Variants in GORASP2 observed in about 807,000 individuals in gnomAD.
GORASP2 encodes golgi reassembly stacking protein 2, also known as Golgi reassembly-stacking protein 2.
In GORASP2, 22 loss-of-function variants were observed where a neutral mutation model predicts 45.7. The observed-to-expected ratio is 0.48, with a 90% CI of 0.34 to 0.69. The LOEUF is 0.69. Among genes scored for constraint, GORASP2 ranks in the 30% least tolerant of loss-of-function variants. GORASP2 has a pLI of 0.01. For missense variants in GORASP2, 491 were observed against 562.7 expected, an observed-to-expected ratio of 0.87 and a Z score of 1.29; for synonymous variants, 221 against 215.6, an observed-to-expected ratio of 1.02 and a Z score of -0.22.
chr2:170,938,223 T>C (rs959749852), intron 1 of GORASP2, among the ~76,000 whole-genome samples: 2 of 152,264 alleles, frequency 1.3e-5, no homozygotes, highest in African/African-American at 4.8e-5. Context: ...AGCTGATGCC[T>C]TTATTACTAG....
intron 5 of GORASP2, chr2:170,954,412 C>T: frequency 2.2e-6 from 1 of 454,754 alleles, no homozygotes; most frequent in South Asian, 3.1e-5. Context: ...GTGATATCCA[C>T]AGTGGAGGGC....
intron 5 of GORASP2, among the ~76,000 whole-genome samples, chr2:170,952,145 C>T (rs901008130): frequency 2.6e-5 from 4 of 152,308 alleles, no homozygotes; most frequent in Middle Eastern, 6.8e-3. Flanking sequence ...GAAAAATACC[C>T]CCTCTCTAGT....
At chr2:170,939,163 T>C (rs1332732515) in intron 1 of GORASP2, among the ~76,000 whole-genome samples, 1 of 152,370 alleles carries the variant, frequency 6.6e-6, no homozygotes, top group South Asian at 2.1e-4. Context: ...CTTTCGATGT[T>C]GTTTTTCTAA....
chr2:170,940,769 A>G (rs1252628473), intron 1 of GORASP2, among the ~76,000 whole-genome samples: 1 of 152,136 alleles, frequency 6.6e-6, no homozygotes, highest in African/African-American at 2.4e-5. Context: ...CAACCAGTAC[A>G]TACTACATTT....
intron 4 of GORASP2, among the ~76,000 whole-genome samples, chr2:170,950,629 C>T (rs1239523063): frequency 6.6e-6 from 1 of 152,158 alleles, no homozygotes; most frequent in Non-Finnish European, 1.5e-5. Flanking sequence ...ATTAGCTCAG[C>T]TATATTACAT....
chr2:170,960,364 T>C (rs1425098092), intron 7 of GORASP2, among the ~76,000 whole-genome samples: 4 of 152,190 alleles, frequency 2.6e-5, no homozygotes, highest in African/African-American at 9.7e-5. Flanking sequence ...CGAAAAATTG[T>C]TGTATACAAT....
intron 1 of GORASP2, chr2:170,929,782 T>G (rs1018490416): frequency 4.1e-6 from 2 of 483,544 alleles, no homozygotes; most frequent in African/African-American, 4.0e-5. Context: ...GTCTCCAAAG[T>G]GGTGACTGTG....
At position 170,967,082 on chromosome 2, in the gene GORASP2, G is replaced by C. The variant is rs752697216; in HGVS notation, c.*952G>C. On this transcript the variant is annotated 3_prime_UTR_variant, in exon 10 of 10. Transcript: ENST00000234160. ...AAGAGATGGTAAGTTAACTGGAATT[G>C]ATTTACTGAATGAAATTAAATGCAG... The C allele has an allele frequency of 2.0e-5, 3 of 152,104 alleles. No homozygotes were observed. Among genetic ancestry groups the C allele is most frequent in the Non-Finnish European group, 4.4e-5 (3 of 68,042 alleles). 9.4% of individuals were successfully genotyped at this position (152,104 alleles called of 1,614,324 possible).
chr2:170,966,193 A>C lies in GORASP2; in HGVS notation c.*63A>C, dbSNP rs761056469. 4.4e-4 allele frequency: 494 copies of C among 1,122,366 alleles called. 1 individual carries two copies. Among genetic ancestry groups the C allele is most frequent in the Admixed American group, 3.1e-4 (18 of 58,346 alleles). The allele number at this position is 1,122,366 out of a possible 1,614,324, so 69.5% of individuals were successfully genotyped here. ...ACCACGGGAGCGTGTCTGGAAACGCAAACTATCATTAATTTCATACTAGTT... is the reference window on the plus strand; with the variant it reads ...ACCACGGGAGCGTGTCTGGAAACGCCAACTATCATTAATTTCATACTAGTT... On this transcript the variant is annotated 3_prime_UTR_variant, in exon 10 of 10. Transcript: ENST00000234160.
At chr2:170,964,367 A>G (rs965482415) in intron 9 of GORASP2, among the ~76,000 whole-genome samples, 1 of 152,214 alleles carries the variant, frequency 6.6e-6, no homozygotes, top group Non-Finnish European at 1.5e-5. Flanking sequence ...AAAATGAAGT[A>G]CTAGGCCAGG....
intron 1 of GORASP2, among the ~76,000 whole-genome samples, chr2:170,938,559 A>C: frequency 6.6e-6 from 1 of 152,216 alleles, no homozygotes; most frequent in Non-Finnish European, 1.5e-5. Context: ...CATTAATTAA[A>C]ATGGCTGAAA....
chr2:170,930,953 AAC>A (rs1703807469), intron 1 of GORASP2, among the ~76,000 whole-genome samples: 1 of 145,112 alleles, frequency 6.9e-6, no homozygotes, highest in Non-Finnish European at 1.5e-5. Flanking sequence ...AACTCAGTAA[AAC>A]ACATTAGTGT....
At chr2:170,929,489 C>A in intron 1 of GORASP2, 86 bp downstream of exon 1, 1 of 1,069,538 alleles carries the variant, frequency 9.3e-7, no homozygotes, top group Non-Finnish European at 1.2e-6. Flanking sequence ...GGCTCCTTCA[C>A]GGGGCAGCCA....
Position 170,936,546 on chromosome 2 carries a change from C to A in GORASP2, c.63+7143C>A, listed in dbSNP as rs867662127. 7.2e-6 allele frequency: 6 copies of A among 833,012 alleles called. No individual in the cohort carries two copies. The African/African-American group carries it at 8.8e-5, about 12-fold the overall frequency. The allele number at this position is 833,012 out of a possible 1,614,324, so 51.6% of individuals were successfully genotyped here. ...TAAGTAGTTACTTTGAGAGACTGTA[C>A]ATTTCCCTGTTGGCATTGCAAATAA... On this transcript the variant is annotated intron_variant, in intron 1 of 9. Coordinates refer to ENST00000234160, the MANE Select transcript of GORASP2 (RefSeq NM_015530.5).
Position 170,948,347 on chromosome 2 carries a change from C to A in GORASP2, c.64-3C>A. ...TTTATTTTTGTCGTTTTTGTTTCCG[C>A]AGGTACAAGAAAATTCCCCAGGACA... is the stretch of plus-strand genomic sequence containing the variant. On this transcript the variant is annotated splice_region_variant and splice_polypyrimidine_tract_variant and intron_variant, in intron 1 of 9. Coordinates refer to ENST00000234160, the MANE Select transcript of GORASP2 (RefSeq NM_015530.5). 1 of 1,561,478 alleles carries A rather than the reference C, an allele frequency of 6.4e-7. No individual in the cohort carries two copies. Among genetic ancestry groups the A allele is most frequent in the Non-Finnish European group, 8.8e-7 (1 of 1,137,292 alleles).
At chr2:170,929,666 G>C in intron 1 of GORASP2, 1 of 612,582 alleles carries the variant, frequency 1.6e-6, no homozygotes, top group Admixed American at 2.4e-5. Context: ...GCCAGGGGGC[G>C]GCCCTGGGAA....
At chr2:170,945,542 T>G (rs868726461) in intron 1 of GORASP2, among the ~76,000 whole-genome samples, 1 of 151,802 alleles carries the variant, frequency 6.6e-6, no homozygotes, top group Non-Finnish European at 1.5e-5. Flanking sequence ...CTGAACACCT[T>G]TAATAGATCC....
Position 170,949,524 on chromosome 2 carries a change from T to A in GORASP2, c.145-15T>A. ...TTTTTATTTACTAAGGAATGTGATTTCTATGTGTTCACAGAATAAAGACAA... is the reference window on the plus strand; with the variant it reads ...TTTTTATTTACTAAGGAATGTGATTACTATGTGTTCACAGAATAAAGACAA... On this transcript the variant is annotated splice_polypyrimidine_tract_variant and intron_variant, in intron 2 of 9. Coordinates refer to ENST00000234160, the MANE Select transcript of GORASP2 (RefSeq NM_015530.5). 1 of 1,601,098 alleles carries A rather than the reference T, an allele frequency of 6.2e-7. No individual in the cohort carries two copies. The highest frequency in any genetic ancestry group is 8.6e-7 in the Non-Finnish European group (1 of 1,168,494).
chr2:170,946,768 CAAAAAAA>C (rs10692734), intron 1 of GORASP2, among the ~76,000 whole-genome samples: 8 of 105,102 alleles, frequency 7.6e-5, no homozygotes, highest in African/African-American at 3.4e-4. Context: ...CATGCCTCTA[CAAAAAAA>C]AAAAAAAAAA....
Sources: gnomAD v4.1 joint callset for allele counts (sites outside exome capture counted in the v4.1 genomes callset) on GRCh38, gnomAD v4.1.1 for gene constraint, MANE v1.5 for transcripts, NCBI Gene and HGNC (gene_info 2026-07-23, HGNC 2026-07-21) for gene names.